The following BRWD1 variants were observed in gnomAD, a reference collection of about 807,000 sequenced individuals.
The protein encoded by BRWD1 is bromodomain and WD repeat-containing protein 1.
A neutral mutation model predicts 251.2 loss-of-function variants in BRWD1; 82 were observed. The ratio of observed to expected loss-of-function variants is 0.33; its 90% CI spans 0.27 to 0.39. BRWD1 has a LOEUF of 0.39. Ranked by LOEUF, BRWD1 falls within the 10% of genes least tolerant of loss-of-function variation. The probability of loss-of-function intolerance (pLI) is 1.00; values close to 1 mark genes in which losing one functional copy is unlikely to be tolerated. For missense variants in BRWD1, 2,233 were observed against 2,711.6 expected, an observed-to-expected ratio of 0.82 and a Z score of 3.92; for synonymous variants, 918 against 902.8, an observed-to-expected ratio of 1.02 and a Z score of -0.30.
rs2036593638 is a variant in BRWD1 at position 39,313,523 on chromosome 21, C to A, written c.-32G>T. On this transcript the variant is annotated 5_prime_UTR_variant, in exon 1 of 41. Coordinates refer to ENST00000342449, the MANE Select transcript of BRWD1 (RefSeq NM_033656.4). ...GCGCGGGGCGGGAGGCGGGAGCGAG[C>A]GAGCGAGCGGAGCGTGTAGGCCGCG... 1 of 1,327,442 alleles carries A rather than the reference C, an allele frequency of 7.5e-7. No homozygotes were observed. 82.2% of individuals were successfully genotyped at this position (1,327,442 alleles called of 1,614,324 possible).
intron 17 of BRWD1, among the ~76,000 whole-genome samples, chr21:39,263,216 T>C (rs753308339): frequency 1.3e-5 from 2 of 152,230 alleles, no homozygotes; most frequent in African/African-American, 4.8e-5. Context: ...AGCAACCATA[T>C]AGTAATCTAC....
chr21:39,213,973 T>C (rs945014081), intron 32 of BRWD1, among the ~76,000 whole-genome samples: 25 of 151,528 alleles, frequency 1.6e-4, no homozygotes, highest in African/African-American at 5.8e-4. Context: ...GCAAATAGTA[T>C]CTTACTGTAC....
At chr21:39,262,970 G>C (rs1377422506) in intron 17 of BRWD1, among the ~76,000 whole-genome samples, 1 of 151,840 alleles carries the variant, frequency 6.6e-6, no homozygotes, top group Non-Finnish European at 1.5e-5. Context: ...ACAAAAATTA[G>C]CCAGGTGTGT....
intron 4 of BRWD1, among the ~76,000 whole-genome samples, chr21:39,306,649 C>T (rs549721603): frequency 1.3e-4 from 20 of 152,190 alleles, no homozygotes; most frequent in East Asian, 5.8e-4. Flanking sequence ...CATTAGAAAA[C>T]TCATTAAGAT....
intron 21 of BRWD1, among the ~76,000 whole-genome samples, chr21:39,241,599 A>T: frequency 6.6e-6 from 1 of 151,416 alleles, no homozygotes; most frequent in Admixed American, 6.6e-5. Flanking sequence ...AAATCAGAAT[A>T]ATGTGAAGTC....
Position 39,195,612 on chromosome 21 carries a change from T to A in BRWD1, c.*647A>T. On this transcript the variant is annotated 3_prime_UTR_variant, in exon 41 of 41. Transcript: ENST00000342449. The stretch of plus-strand genomic sequence containing the variant: ...CCAGCACTTTATAAATTCAAGTTTA[T>A]AACATAAAAGTGACAACGTTTTCCT... 4 of 984,286 alleles carry A rather than the reference T, an allele frequency of 4.1e-6. No individual in the cohort carries two copies. The highest frequency in any genetic ancestry group is 4.8e-6 in the Non-Finnish European group (4 of 828,646). The allele number at this position is 984,286 out of a possible 1,614,324, so 61.0% of individuals were successfully genotyped here. A position where few individuals can be genotyped will look rare whatever the true frequency, so the allele number is the denominator to read the frequency against.
chr21:39,252,244 C>T (rs377418804), intron 19 of BRWD1, among the ~76,000 whole-genome samples: 2,359 of 119,662 alleles, frequency 0.02, 32 homozygotes, highest in Middle Eastern at 0.043. Flanking sequence ...AGCAGAACTC[C>T]GTCTCAAAAA....
Position 39,187,081 on chromosome 21 carries a change from T to A in BRWD1, c.*9178A>T. 6.3e-7 allele frequency: 1 copy of A among 1,596,812 alleles called. No individual in the cohort carries two copies. Among genetic ancestry groups the A allele is most frequent in the Non-Finnish European group, 8.5e-7 (1 of 1,175,602 alleles). On this transcript the variant is annotated 3_prime_UTR_variant, in exon 41 of 41. Transcript: ENST00000342449. ...CCCCCTTAAAAAAAGCATTTTTCTATTAATATCTTCTAGCTCTTTTTCACT... is the reference window on the plus strand; with the variant it reads ...CCCCCTTAAAAAAAGCATTTTTCTAATAATATCTTCTAGCTCTTTTTCACT...
At chr21:39,316,818 G>A (rs539246240), upstream of BRWD1, among the ~76,000 whole-genome samples, 1 of 152,072 alleles carries the variant, frequency 6.6e-6, no homozygotes, top group African/African-American at 2.4e-5. Flanking sequence ...TGTACCTGTA[G>A]CCCCAGCTAC....
chr21:39,224,305 G>C lies in BRWD1; in HGVS notation c.3382+103C>G, dbSNP rs183842694. 305 of 599,030 alleles carry C rather than the reference G, an allele frequency of 5.1e-4. 2 individuals are homozygous for C. The African/African-American group carries it at 5.3e-3, about 10-fold the overall frequency. The allele number at this position is 599,030 out of a possible 1,614,324, so 37.1% of individuals were successfully genotyped here. ...TAAAGTTCAGTTACTGTAATAATTTGAATATATTGATCATAGAATACAAAT... is the reference window on the plus strand; with the variant it reads ...TAAAGTTCAGTTACTGTAATAATTTCAATATATTGATCATAGAATACAAAT... On this transcript the variant is annotated intron_variant, in intron 29 of 40. Coordinates refer to ENST00000342449, the MANE Select transcript of BRWD1 (RefSeq NM_033656.4).
intron 23 of BRWD1, among the ~76,000 whole-genome samples, chr21:39,233,065 C>G (rs2033679124): frequency 6.6e-6 from 1 of 152,132 alleles, no homozygotes; most frequent in South Asian, 2.1e-4. Flanking sequence ...TTATCCCTGG[C>G]TACTGTTAAA....
intron 21 of BRWD1, among the ~76,000 whole-genome samples, chr21:39,247,076 CA>C (rs542391369): frequency 0.024 from 2,425 of 101,816 alleles, 60 homozygotes; most frequent in African/African-American, 0.083. Context: ...GACTCCGTCT[CA>C]AAAAAAAAAA....
In BRWD1 at chr21:39,191,122, A is replaced by G. The variant is rs1028121463; in HGVS notation, c.*5137T>C. ...CTTAAGAGCATTTCACACTAAATGC[A>G]GGCAGAATCAGAAGTAAATACTTGT... On this transcript the variant is annotated 3_prime_UTR_variant, in exon 41 of 41. Transcript: ENST00000342449. 1.0e-6 allele frequency: 1 copy of G among 985,390 alleles called. No individual in the cohort carries two copies. Among genetic ancestry groups the G allele is most frequent in the Non-Finnish European group, 1.2e-6 (1 of 829,896 alleles). The allele number at this position is 985,390 out of a possible 1,614,324, so 61.0% of individuals were successfully genotyped here.
chr21:39,249,475 C>T (rs1311386323), intron 20 of BRWD1, among the ~76,000 whole-genome samples: 1 of 116,320 alleles, frequency 8.6e-6, no homozygotes, highest in African/African-American at 3.1e-5. Context: ...TTTATCAAAA[C>T]AGAATAATCA....
chr21:39,261,061 C>A (rs991126471), intron 17 of BRWD1, among the ~76,000 whole-genome samples: 1 of 152,076 alleles, frequency 6.6e-6, no homozygotes, highest in African/African-American at 2.4e-5. Flanking sequence ...TTCATCTGTA[C>A]TAAAAATACA....
chr21:39,230,733 A>G (rs892367884), intron 25 of BRWD1, among the ~76,000 whole-genome samples: 3 of 152,178 alleles, frequency 2.0e-5, no homozygotes, highest in Non-Finnish European at 2.9e-5. Context: ...AAGTCACCAG[A>G]AAAAGCACAA....
chr21:39,203,221 C>A (rs1331404541), intron 37 of BRWD1, among the ~76,000 whole-genome samples: 1 of 152,088 alleles, frequency 6.6e-6, no homozygotes, highest in East Asian at 1.9e-4. Context: ...GAGGCCAAGG[C>A]AGGTGGATAA....
At chr21:39,258,454 T>C in intron 18 of BRWD1, 33 bp downstream of exon 18, 1 of 1,493,886 alleles carries the variant, frequency 6.7e-7, no homozygotes, top group Non-Finnish European at 9.0e-7. Flanking sequence ...AATGCAGCCA[T>C]ATTCAGGTAA....
At chr21:39,225,924 A>T (rs2033365410) in intron 27 of BRWD1, among the ~76,000 whole-genome samples, 1 of 152,170 alleles carries the variant, frequency 6.6e-6, no homozygotes, top group Non-Finnish European at 1.5e-5. Context: ...TTTTATCCAA[A>T]TCTCTAATAC....
Sources: allele counts gnomAD v4.1 joint callset (sites outside exome capture counted in the v4.1 genomes callset), GRCh38; gene constraint gnomAD v4.1.1; transcripts MANE v1.5; gene names NCBI Gene and HGNC (gene_info 2026-07-23, HGNC 2026-07-21).